CIT: variants seen among roughly 807,000 people sequenced by gnomAD.
The protein encoded by CIT is citron rho-interacting serine/threonine kinase.
CIT carries 79 observed loss-of-function variants against 272.7 expected under a neutral mutation model. That is an observed-to-expected ratio of 0.29 (90% CI 0.24 to 0.35). The LOEUF is 0.35. CIT is among the 10% of genes least tolerant of loss of function. The pLI is 1.00. For synonymous variants in CIT, 948 were observed against 995.6 expected, an observed-to-expected ratio of 0.95 and a Z score of 0.90; for missense variants, 1,909 against 2,618.3, an observed-to-expected ratio of 0.73 and a Z score of 5.91.
At position 119,690,475 on chromosome 12, in the gene CIT, T is replaced by C; in HGVS notation, c.5883-21A>G. ...GGCTGCTGGCGACACAAGAGGAACGTAGGGAGCTGCGAGGCCACAACCCCA... is the reference window on the plus strand; with the variant it reads ...GGCTGCTGGCGACACAAGAGGAACGCAGGGAGCTGCGAGGCCACAACCCCA... On this transcript the variant is annotated intron_variant, in intron 46 of 47. Coordinates refer to ENST00000392521, the MANE Select transcript of CIT (RefSeq NM_001206999.2). The surrounding 1 kb of genome is among the most constrained non-coding windows in gnomAD (Gnocchi z 6.0). The C allele has an allele frequency of 6.4e-7, 1 of 1,556,494 alleles. No homozygotes were observed. The highest frequency in any genetic ancestry group is 8.6e-7 in the Non-Finnish European group (1 of 1,162,384).
At position 119,710,963 on chromosome 12, in the gene CIT, G is replaced by A; in HGVS notation, c.4855-343C>T. The stretch of plus-strand genomic sequence containing the variant: ...CCTGCGCAGGGTTAATAAGACACAT[G>A]AAAGACTCCTTCCCCCATAAGGCTG... On this transcript the variant is annotated intron_variant, in intron 37 of 47. Transcript: ENST00000392521. This position sits in a 1 kb window ranked among gnomAD's most constrained non-coding sequence, Gnocchi z 5.6. 8.8e-7 allele frequency: 1 copy of A among 1,142,798 alleles called. No individual in the cohort carries two copies. The highest frequency in any genetic ancestry group is 1.2e-6 in the Non-Finnish European group (1 of 820,980). The allele number at this position is 1,142,798 out of a possible 1,614,324, so 70.8% of individuals were successfully genotyped here. A position where few individuals can be genotyped will look rare whatever the true frequency, so the allele number is the denominator to read the frequency against.
chr12:119,737,986 C>T (rs2952444), intron 24 of CIT, among the ~76,000 whole-genome samples: 68,060 of 151,904 alleles, frequency 0.45, 16,135 homozygotes, highest in Admixed American at 0.55. Flanking sequence ...TAATGGTCTT[C>T]GTGGATTTTT....
intron 20 of CIT, among the ~76,000 whole-genome samples, chr12:119,760,554 G>A (rs1286785107): frequency 6.6e-6 from 1 of 151,778 alleles, no homozygotes; most frequent in African/African-American, 2.4e-5. Context: ...TTGAGCCCAG[G>A]AGTTGGAGGC....
At chr12:119,695,168 T>C (rs1956163544) in intron 46 of CIT, among the ~76,000 whole-genome samples, 2 of 152,160 alleles carry the variant, frequency 1.3e-5, no homozygotes, top group South Asian at 4.1e-4. Context: ...ACCGAATGTT[T>C]TGTGACATTC....
At chr12:119,831,796 G>C (rs924948287) in intron 7 of CIT, among the ~76,000 whole-genome samples, 4 of 152,158 alleles carry the variant, frequency 2.6e-5, no homozygotes, top group Admixed American at 1.3e-4. Context: ...GTGAACCCAG[G>C]GGGGCGGAGC....
At chr12:119,714,600 G>A (rs1318614931) in intron 32 of CIT, among the ~76,000 whole-genome samples, 2 of 152,132 alleles carry the variant, frequency 1.3e-5, no homozygotes, top group Non-Finnish European at 1.5e-5. Context: ...ATTATCAGTC[G>A]TTAGAGAGAT....
chr12:119,760,860 A>G, intron 20 of CIT, 79 bp downstream of exon 20: 1 of 897,704 alleles, frequency 1.1e-6, no homozygotes, highest in Non-Finnish European at 1.9e-6. Flanking sequence ...CAGGTGAAAT[A>G]GAGTCTTATC....
chr12:119,790,173 ATAT>A (rs1342533878), intron 10 of CIT, among the ~76,000 whole-genome samples: 1 of 152,028 alleles, frequency 6.6e-6, no homozygotes, highest in Non-Finnish European at 1.5e-5. Flanking sequence ...GTTACACCAA[ATAT>A]TATTGTATAT....
intron 7 of CIT, among the ~76,000 whole-genome samples, chr12:119,826,867 G>A (rs752608552): frequency 2.0e-5 from 3 of 152,198 alleles, no homozygotes; most frequent in African/African-American, 2.4e-5. Context: ...TGGGTGTGGA[G>A]AGGAAAGTGA....
Position 119,686,343 on chromosome 12 carries a change from A to G in CIT, c.*1889T>C, listed in dbSNP as rs562568483. ...TCCAAATACTGTGGACCAAGAGACA[A>G]AACTTCAGCAAACATTCAATCAAAT... On this transcript the variant is annotated 3_prime_UTR_variant, in exon 48 of 48. Transcript: ENST00000392521. The G allele has an allele frequency of 2.6e-5, 4 of 152,366 alleles. No homozygotes were observed. Among genetic ancestry groups the G allele is most frequent in the African/African-American group, 9.6e-5 (4 of 41,568 alleles). The allele number at this position is 152,366 out of a possible 1,614,324, so 9.4% of individuals were successfully genotyped here. A position where few individuals can be genotyped will look rare whatever the true frequency, so the allele number is the denominator to read the frequency against.
intron 9 of CIT, among the ~76,000 whole-genome samples, chr12:119,822,368 C>T (rs149984458): frequency 2.2e-4 from 34 of 152,206 alleles, no homozygotes; most frequent in Middle Eastern, 3.4e-3. Context: ...CAAATATTAT[C>T]GAGGGAAACA....
chr12:119,788,716 C>T (rs916248202), intron 10 of CIT, among the ~76,000 whole-genome samples: 34 of 152,184 alleles, frequency 2.2e-4, no homozygotes, highest in Non-Finnish European at 2.6e-4. Flanking sequence ...GGCCCAGAAG[C>T]GAGGAGATGT....
At chr12:119,788,366 A>G (rs1254513582) in intron 10 of CIT, among the ~76,000 whole-genome samples, 1 of 152,086 alleles carries the variant, frequency 6.6e-6, no homozygotes, top group Non-Finnish European at 1.5e-5. Context: ...CAAGACCCAA[A>G]CCACCCACGG....
chr12:119,835,534 C>A (rs933528888), intron 5 of CIT, among the ~76,000 whole-genome samples: 7 of 152,120 alleles, frequency 4.6e-5, no homozygotes, highest in Non-Finnish European at 1.0e-4. Flanking sequence ...ATTTTATTAG[C>A]CATGCTATAA....
At chr12:119,732,270 A>G (rs575432775) in intron 26 of CIT, among the ~76,000 whole-genome samples, 4 of 152,360 alleles carry the variant, frequency 2.6e-5, no homozygotes, top group African/African-American at 9.6e-5. Flanking sequence ...GAAAGCAGAC[A>G]TGAAATGAAA....
intron 23 of CIT, among the ~76,000 whole-genome samples, chr12:119,749,540 C>A (rs895110965): frequency 1.3e-5 from 2 of 152,186 alleles, no homozygotes; most frequent in Non-Finnish European, 2.9e-5. Flanking sequence ...GAAAAGCCCA[C>A]AGCCTTGAAA....
At position 119,690,192 on chromosome 12, in the gene CIT, G is replaced by C; in HGVS notation, c.6145C>G (p.Pro2049Ala). Residue 2049 changes from proline (P) to alanine (A), a missense_variant, in exon 47 of 48, where the codon CCT (proline) becomes GCT (alanine). Physicochemically the swap from Pro to Ala is conservative, Grantham distance 27 (BLOSUM62 -1). Transcript: ENST00000392521. The surrounding 1 kb of genome is among the most constrained non-coding windows in gnomAD (Gnocchi z 6.0). ...LFEDSSRGRLPAGAVRTPLSQ... is the reference protein window; with the variant it reads ...LFEDSSRGRLAAGAVRTPLSQ... ...AGCGGGGTCCTCACGGCTCCCGCAG[G>C]CAGCCGGCCCCTGCTGCTGTCTTCA... 1 of 1,489,096 alleles carries C rather than the reference G, an allele frequency of 6.7e-7. No individual in the cohort carries two copies. The allele number at this position is 1,489,096 out of a possible 1,614,324, so 92.2% of individuals were successfully genotyped here. A position where few individuals can be genotyped will look rare whatever the true frequency, so the allele number is the denominator to read the frequency against.
At chr12:119,750,707 C>T (rs1381243244) in intron 23 of CIT, among the ~76,000 whole-genome samples, 3 of 151,188 alleles carry the variant, frequency 2.0e-5, no homozygotes, top group Admixed American at 2.0e-4. Flanking sequence ...CAACAATGGG[C>T]AATAACTTCT....
chr12:119,713,337 A>G lies in CIT; in HGVS notation c.4488-43T>C, dbSNP rs753174179. ...GAAAAGAAAAATGTCTGAACTCAGA[A>G]GAAACATCCGGCTGGAGGATAGGAT... is the stretch of plus-strand genomic sequence containing the variant. On this transcript the variant is annotated intron_variant, in intron 34 of 47. Coordinates refer to ENST00000392521, the MANE Select transcript of CIT (RefSeq NM_001206999.2). The surrounding 1 kb of genome is among the most constrained non-coding windows in gnomAD (Gnocchi z 5.2). The G allele has an allele frequency of 1.3e-6, 2 of 1,599,684 alleles. No homozygotes were observed. The highest frequency in any genetic ancestry group is 4.5e-5 in the East Asian group (2 of 44,832).
Sources: allele counts gnomAD v4.1 joint callset (sites outside exome capture counted in the v4.1 genomes callset), GRCh38; gene constraint gnomAD v4.1.1; non-coding constraint Gnocchi (gnomAD v3.1); transcripts MANE v1.5; gene names NCBI Gene and HGNC (gene_info 2026-07-23, HGNC 2026-07-21).